The following PIP4K2B variants were observed in gnomAD, a reference collection of about 807,000 sequenced individuals.
PIP4K2B encodes the protein phosphatidylinositol-5-phosphate 4-kinase type 2 beta.
A neutral mutation model predicts 42.0 loss-of-function variants in PIP4K2B; 3 were observed. The ratio of observed to expected loss-of-function variants is 0.07; its 90% CI spans 0.03 to 0.18. The LOEUF is 0.18. Among genes scored for constraint, PIP4K2B ranks in the 10% least tolerant of loss-of-function variants. The pLI is 1.00. For synonymous variants in PIP4K2B, 204 were observed against 210.1 expected, an observed-to-expected ratio of 0.97 and a Z score of 0.25; for missense variants, 332 against 562.3, an observed-to-expected ratio of 0.59 and a Z score of 4.14.
rs865871695 is a variant in PIP4K2B at position 38,785,810 on chromosome 17, G to A, written c.257+1013C>T. Reference sequence around the variant, plus strand: ...ATATCAAGGAGGTAGCACCTCACCAGAGGCCATGGACCCTGAAGGGGGTAG... The same window carrying A: ...ATATCAAGGAGGTAGCACCTCACCAAAGGCCATGGACCCTGAAGGGGGTAG... On this transcript the variant is annotated intron_variant, in intron 2 of 9. Transcript: ENST00000619039. Among the ~76,000 whole-genome samples, 14 of 152,326 alleles carry A rather than the reference G, an allele frequency of 9.2e-5. No individual in the cohort carries two copies. In the Middle Eastern group the frequency reaches 0.017, roughly 185 times the overall value.
At chr17:38,786,991 T>C in intron 1 of PIP4K2B, 71 bp from the exon 2 acceptor site, 1 of 945,256 alleles carries the variant, frequency 1.1e-6, no homozygotes, top group South Asian at 1.3e-5. Flanking sequence ...AGCTACAATG[T>C]GGATGCCACA....
chr17:38,785,923 T>C (rs1909984712), intron 2 of PIP4K2B, among the ~76,000 whole-genome samples: 1 of 152,180 alleles, frequency 6.6e-6, no homozygotes, highest in South Asian at 2.1e-4. Context: ...TTCTGGTCTC[T>C]GAGTTGAGGG....
chr17:38,772,949 A>C (rs551234404), intron 7 of PIP4K2B, among the ~76,000 whole-genome samples: 37 of 152,260 alleles, frequency 2.4e-4, no homozygotes, highest in African/African-American at 8.2e-4. Context: ...GGTTGCTAAG[A>C]TCTCCTGTAA....
intron 8 of PIP4K2B, 23 bp downstream of exon 8, chr17:38,770,991 A>G (rs1908995468): frequency 6.2e-7 from 1 of 1,613,658 alleles, no homozygotes; most frequent in African/African-American, 1.3e-5. Flanking sequence ...GGCTGTGCAG[A>G]GCAGGCGCAG....
intron 7 of PIP4K2B, 114 bp downstream of exon 7, chr17:38,777,573 C>G (rs759767338): frequency 2.7e-6 from 2 of 742,302 alleles, no homozygotes; most frequent in Non-Finnish European, 4.8e-6. Context: ...CAAATCACCA[C>G]CCTTTTGTCC....
intron 3 of PIP4K2B, among the ~76,000 whole-genome samples, chr17:38,783,536 T>C (rs1478820599): frequency 1.3e-5 from 2 of 151,926 alleles, no homozygotes; most frequent in East Asian, 3.9e-4. Context: ...ACCCTTGAAG[T>C]CTTCCTTTTC....
intron 1 of PIP4K2B, among the ~76,000 whole-genome samples, chr17:38,790,364 C>A (rs564479319): frequency 2.6e-4 from 39 of 152,154 alleles, no homozygotes; most frequent in Non-Finnish European, 5.9e-5. Context: ...AGCCTGGCTC[C>A]GAGACTTAAA....
At chr17:38,770,326 G>A in intron 9 of PIP4K2B, 110 bp downstream of exon 9, 1 of 709,680 alleles carries the variant, frequency 1.4e-6, no homozygotes. Context: ...GAAGGAGACA[G>A]GAGTGTGTTC....
At chr17:38,795,099 CAAAAAAA>C (rs61707682) in intron 1 of PIP4K2B, among the ~76,000 whole-genome samples, 104 of 41,502 alleles carry the variant, frequency 2.5e-3, no homozygotes, top group South Asian at 5.1e-3. Flanking sequence ...AACTCCATCT[CAAAAAAA>C]AAAAAAAAAA....
rs1188531529 is a variant in PIP4K2B at position 38,787,020 on chromosome 17, C to T, written c.160-100G>A. On this transcript the variant is annotated intron_variant, in intron 1 of 9. Coordinates refer to ENST00000619039, the MANE Select transcript of PIP4K2B (RefSeq NM_003559.5). Reference sequence around the variant, plus strand: ...TGCCACAATCTTGCTAAAAGCATGTCCAAGTTTCCCTCTCTGTCTTTTTTT... The same window carrying T: ...TGCCACAATCTTGCTAAAAGCATGTTCAAGTTTCCCTCTCTGTCTTTTTTT... 3.7e-6 allele frequency: 3 copies of T among 806,660 alleles called. No homozygotes were observed. The African/African-American group carries it at 5.1e-5, about 14-fold the overall frequency. 50.0% of individuals were successfully genotyped at this position (806,660 alleles called of 1,614,324 possible).
At chr17:38,794,968 C>T (rs112418799) in intron 1 of PIP4K2B, among the ~76,000 whole-genome samples, 153 of 151,630 alleles carry the variant, frequency 1.0e-3, no homozygotes, top group Non-Finnish European at 1.6e-3. Flanking sequence ...GGTGTGGTGG[C>T]GGGCACCTGT....
chr17:38,791,433 T>TTTTTTTTTTA (rs1910335112), intron 1 of PIP4K2B, among the ~76,000 whole-genome samples: 1 of 148,342 alleles, frequency 6.7e-6, no homozygotes, highest in African/African-American at 2.5e-5. Flanking sequence ...TTTTTTTTTT[T>TTTTTTTTTTA]GAGATAGAGC....
intron 1 of PIP4K2B, among the ~76,000 whole-genome samples, chr17:38,796,317 C>G (rs950850753): frequency 1.3e-5 from 2 of 152,168 alleles, no homozygotes; most frequent in Non-Finnish European, 2.9e-5. Context: ...TTGGCAGTTT[C>G]TCAAATGGTT....
At chr17:38,776,684 TACC>T in intron 7 of PIP4K2B, 1 of 405,262 alleles carries the variant, frequency 2.5e-6, no homozygotes, top group East Asian at 7.2e-5. Flanking sequence ...ATATGTATTT[TACC>T]ACAATTAAAA....
intron 9 of PIP4K2B, 66 bp from the exon 10 acceptor site, chr17:38,769,837 G>A (rs940679437): frequency 3.5e-6 from 5 of 1,431,260 alleles, no homozygotes; most frequent in East Asian, 4.5e-5. Context: ...TGCACATGGG[G>A]GGAGCCAGGG....
intron 1 of PIP4K2B, among the ~76,000 whole-genome samples, chr17:38,789,264 C>T (rs1038328947): frequency 2.0e-5 from 3 of 152,250 alleles, no homozygotes; most frequent in Admixed American, 6.5e-5. Flanking sequence ...GGATCCTAGA[C>T]AGAGAGCTAG....
intron 9 of PIP4K2B, among the ~76,000 whole-genome samples, 184 bp downstream of exon 9, chr17:38,770,252 G>A (rs903359813): frequency 6.6e-6 from 1 of 152,232 alleles, no homozygotes; most frequent in East Asian, 1.9e-4. Flanking sequence ...CAGGGAGCAG[G>A]TGGGTGAAGG....
intron 7 of PIP4K2B, chr17:38,776,057 G>A (rs953482124): frequency 3.6e-5 from 16 of 447,492 alleles, no homozygotes; most frequent in African/African-American, 1.6e-4. Flanking sequence ...CGCAACCTCC[G>A]CCTCCTGGGT....
chr17:38,771,900 C>A (rs973129129), intron 7 of PIP4K2B, among the ~76,000 whole-genome samples: 1 of 152,130 alleles, frequency 6.6e-6, no homozygotes, highest in Non-Finnish European at 1.5e-5. Context: ...CGTGGCAGTG[C>A]ACACCTGTAG....
Sources: gnomAD v4.1 joint callset for allele counts (sites outside exome capture counted in the v4.1 genomes callset) on GRCh38, gnomAD v4.1.1 for gene constraint, MANE v1.5 for transcripts, NCBI Gene and HGNC (gene_info 2026-07-23, HGNC 2026-07-21) for gene names.